CROCC: variants seen among roughly 807,000 people sequenced by gnomAD.
CROCC encodes ciliary rootlet coiled-coil, rootletin.
A neutral mutation model predicts 245.2 loss-of-function variants in CROCC; 180 were observed. The observed-to-expected ratio is 0.73, with a 90% CI of 0.65 to 0.83. The LOEUF is 0.83. Ranked by LOEUF, CROCC falls within the 40% of genes least tolerant of loss-of-function variation. The probability of loss-of-function intolerance (pLI) is 0.00; values close to 1 mark genes in which losing one functional copy is unlikely to be tolerated. For missense variants in CROCC, 2,688 were observed against 2,779.4 expected (o/e 0.97, Z 0.74); for synonymous variants, 1,205 against 1,241.6 (o/e 0.97, Z 0.62).
rs2075974894 is a variant in CROCC at position 16,943,443 on chromosome 1, CAGG to C, written c.1809-654_1809-652del. Among the ~76,000 whole-genome samples, 4 of 152,090 alleles carry C rather than the reference CAGG, an allele frequency of 2.6e-5. No individual in the cohort carries two copies. In the South Asian group the frequency reaches 8.3e-4, roughly 32 times the overall value. On this transcript the variant is annotated intron_variant, in intron 13 of 36. Coordinates refer to ENST00000375541, the MANE Select transcript of CROCC (RefSeq NM_014675.5). The stretch of plus-strand genomic sequence containing the variant: ...TTCCCAGCTACTTGGGAGGCTGAGG[CAGG>C]AGAATGGCGTGAACCCGGGAGGCGG...
At chr1:16,940,891 G>A (rs2075916420) in intron 13 of CROCC, 1 of 425,922 alleles carries the variant, frequency 2.3e-6, no homozygotes, top group Admixed American at 2.6e-5. Flanking sequence ...GCCTGGGGAA[G>A]GATATGGGAC....
At chr1:16,920,559 T>G (rs1193784921), upstream of CROCC, among the ~76,000 whole-genome samples, 2 of 152,270 alleles carry the variant, frequency 1.3e-5, no homozygotes, top group African/African-American at 4.8e-5. Context: ...AAGGTCTTAC[T>G]GTCTTGAACA....
intron 1 of CROCC, among the ~76,000 whole-genome samples, chr1:16,914,278 C>G (rs1225462992): frequency 1.4e-4 from 21 of 152,162 alleles, no homozygotes; most frequent in Non-Finnish European, 2.2e-4. Context: ...CGGCCCGGCA[C>G]CGGAGGCCAG....
Position 16,944,405 on chromosome 1 carries a change from G to A in CROCC, c.1991+123G>A, listed in dbSNP as rs370546917. ...GGCCTCCTACCGTCTGGACCCCTCCGATGTCGGGTTTTCTAACCAGACCCA... is the reference window on the plus strand; with the variant it reads ...GGCCTCCTACCGTCTGGACCCCTCCAATGTCGGGTTTTCTAACCAGACCCA... On this transcript the variant is annotated intron_variant, in intron 14 of 36. Transcript: ENST00000375541. 7.7e-4 allele frequency: 861 copies of A among 1,119,636 alleles called. No individual in the cohort carries two copies. The South Asian group carries it at 0.019, about 25-fold the overall frequency. The allele number at this position is 1,119,636 out of a possible 1,614,324, so 69.4% of individuals were successfully genotyped here.
At chr1:16,931,720 CA>C (rs2100371839) in intron 8 of CROCC, among the ~76,000 whole-genome samples, 1 of 152,316 alleles carries the variant, frequency 6.6e-6, no homozygotes, top group African/African-American at 2.4e-5. Context: ...TGAGGTCACA[CA>C]GTAGTACATA....
rs186754225 is a variant in CROCC, at chr1:16,960,009, G to A, written c.4033-749G>A. The stretch of plus-strand genomic sequence containing the variant: ...CAGCCGGGCGCAGTGGCTCACACCT[G>A]TAATCCCAGCACTTTGGGAGGCCGA... On this transcript the variant is annotated intron_variant, in intron 26 of 36. Transcript: ENST00000375541. Among the ~76,000 whole-genome samples the A allele has an allele frequency of 5.6e-3, 857 of 151,996 alleles. 32 individuals carry two copies. The highest frequency in any genetic ancestry group is 0.053 in the Admixed American group (810 of 15,270).
intron 8 of CROCC, among the ~76,000 whole-genome samples, chr1:16,933,749 A>G (rs1234029588): frequency 6.6e-6 from 1 of 152,256 alleles, no homozygotes; most frequent in Non-Finnish European, 1.5e-5. Flanking sequence ...TATTTTTAGT[A>G]GAGATGGGGG....
upstream of CROCC, among the ~76,000 whole-genome samples, chr1:16,920,327 T>G (rs1570572822): frequency 6.6e-6 from 1 of 152,370 alleles, no homozygotes; most frequent in East Asian, 1.9e-4. Flanking sequence ...TCCGCCTGCC[T>G]CAGCATCCCA....
At chr1:16,934,187 T>A (rs1183391525) in intron 8 of CROCC, among the ~76,000 whole-genome samples, 12 of 152,368 alleles carry the variant, frequency 7.9e-5, no homozygotes, top group African/African-American at 2.9e-4. Flanking sequence ...ATTTAGTCAC[T>A]CCTGTGTATA....
rs1417789312 is a variant in CROCC at position 16,966,066 on chromosome 1, G to A, written c.4643G>A (p.Ser1548Asn). Residue 1548 changes from serine to asparagine, a missense_variant, in exon 29 of 37, where the codon AGC (serine) becomes AAC (asparagine). By Grantham distance (46) the Ser-to-Asn change is conservative. Around this residue, in one of 9 missense-constraint regions of CROCC, gnomAD observed 1,218 missense variants for 1,286.3 expected, o/e 0.95. Coordinates refer to ENST00000375541, the MANE Select transcript of CROCC (RefSeq NM_014675.5). The surrounding 1 kb of genome is among the most constrained non-coding windows in gnomAD (Gnocchi z 4.8). ...QLAEMEAERDSATSRARQLQK... is the reference protein window; with the variant it reads ...QLAEMEAERDNATSRARQLQK... The stretch of plus-strand genomic sequence containing the variant: ...GCCGAGATGGAGGCTGAGAGGGACA[G>A]CGCAACCTCGAGGGCCAGGCAGCTG... The A allele has an allele frequency of 6.2e-7, 1 of 1,613,896 alleles. No individual in the cohort carries two copies.
intron 3 of CROCC, among the ~76,000 whole-genome samples, chr1:16,927,269 C>T (rs375967443): frequency 1.3e-5 from 2 of 152,378 alleles, no homozygotes; most frequent in African/African-American, 4.8e-5. Context: ...CCCCCACCAC[C>T]GGGGACCTAT....
chr1:16,919,135 A>C (rs538118230), upstream of CROCC, among the ~76,000 whole-genome samples: 2 of 152,412 alleles, frequency 1.3e-5, no homozygotes, highest in Admixed American at 6.5e-5. Context: ...TTTGCAGGGC[A>C]GTTTCCTTAG....
intron 24 of CROCC, among the ~76,000 whole-genome samples, chr1:16,955,753 C>G (rs932766781): frequency 4.6e-5 from 7 of 152,218 alleles, no homozygotes; most frequent in East Asian, 3.9e-4. Context: ...AGCTTTGGGT[C>G]CAGACTCAGA....
Position 16,930,109 on chromosome 1 carries a change from G to T in CROCC, c.538-15G>T, listed in dbSNP as rs1312003682. The T allele has an allele frequency of 1.9e-6, 3 of 1,584,562 alleles. No homozygotes were observed. Among genetic ancestry groups the T allele is most frequent in the Admixed American group, 1.8e-5 (1 of 55,382 alleles). On this transcript the variant is annotated splice_polypyrimidine_tract_variant and intron_variant, in intron 4 of 36. Coordinates refer to ENST00000375541, the MANE Select transcript of CROCC (RefSeq NM_014675.5). ...CCCCAACCCCTGGGGCTCACCATCA[G>T]CTCCCCATCCCCAGATTCTCCAGTA...
At chr1:16,958,986 C>T (rs1333480026) in intron 26 of CROCC, among the ~76,000 whole-genome samples, 1 of 152,150 alleles carries the variant, frequency 6.6e-6, no homozygotes, top group Non-Finnish European at 1.5e-5. Context: ...TTTGATTTCC[C>T]CAGCAGCCCT....
intron 13 of CROCC, 113 bp downstream of exon 13, chr1:16,940,206 A>G (rs187142095): frequency 8.1e-4 from 917 of 1,138,990 alleles, no homozygotes; most frequent in Middle Eastern, 4.3e-3. Flanking sequence ...CACTAGCTGC[A>G]TGTGCCTATT....
chr1:16,946,174 C>A, intron 15 of CROCC, 85 bp from the exon 16 acceptor site: 1 of 1,438,718 alleles, frequency 7.0e-7, no homozygotes, highest in Non-Finnish European at 9.4e-7. Flanking sequence ...CTCTGAGGGT[C>A]CATCTCTCTG....
At chr1:16,931,686 C>T (rs561463843) in intron 8 of CROCC, among the ~76,000 whole-genome samples, 4 of 152,350 alleles carry the variant, frequency 2.6e-5, no homozygotes, top group South Asian at 2.1e-4. Flanking sequence ...GACATTGTGG[C>T]GCAGAGAGGT....
In CROCC at chr1:16,960,744, T is replaced by A; in HGVS notation, c.4033-14T>A. ...AGAGGTCTTGCCGACCTCCACCTCC[T>A]GGCATCACTCCAGCTCCAGGTAGCC... On this transcript the variant is annotated splice_polypyrimidine_tract_variant and intron_variant, in intron 26 of 36. Coordinates refer to ENST00000375541, the MANE Select transcript of CROCC (RefSeq NM_014675.5). 6.6e-7 allele frequency: 1 copy of A among 1,503,826 alleles called. No homozygotes were observed. Among genetic ancestry groups the A allele is most frequent in the South Asian group, 1.2e-5 (1 of 80,714 alleles). 93.2% of individuals were successfully genotyped at this position (1,503,826 alleles called of 1,614,324 possible).
Sources: gnomAD v4.1 joint callset for allele counts (sites outside exome capture counted in the v4.1 genomes callset) on GRCh38, gnomAD v4.1.1 for gene constraint, gnomAD v4.1.1 regional missense constraint, Gnocchi (gnomAD v3.1) non-coding constraint, MANE v1.5 for transcripts, NCBI Gene and HGNC (gene_info 2026-07-23, HGNC 2026-07-21) for gene names.